ARSG: variants seen among roughly 807,000 people sequenced by gnomAD.
The protein encoded by ARSG is arylsulfatase G, also known as ASG.
In ARSG, 37 loss-of-function variants were observed where a neutral mutation model predicts 50.5. The ratio of observed to expected loss-of-function variants is 0.73; its 90% confidence interval spans 0.56 to 0.96. ARSG has a LOEUF of 0.96. Among genes scored for constraint, ARSG ranks in the 50% least tolerant of loss-of-function variants. ARSG has a pLI of 0.00. For synonymous variants in ARSG, 225 were observed against 254.6 expected (o/e 0.88, Z 1.11); for missense variants, 629 against 675.3 (o/e 0.93, Z 0.76).
chr17:68,442,397 G>A, the ARSG span, among the ~76,000 whole-genome samples: 42 of 150,158 alleles, frequency 2.8e-4, no homozygotes, highest in African/African-American at 8.3e-4. Context: ...TCCGGGAGGC[G>A]AAGGTTGCAG....
chr17:68,373,202 C>A (rs558268028), intron 8 of ARSG, among the ~76,000 whole-genome samples: 1 of 150,456 alleles, frequency 6.6e-6, no homozygotes, highest in Non-Finnish European at 1.5e-5. Flanking sequence ...CATGAGCCAC[C>A]GTGCCCGGCC....
the ARSG span, among the ~76,000 whole-genome samples, chr17:68,450,418 G>A: frequency 6.6e-6 from 1 of 152,196 alleles, no homozygotes; most frequent in African/African-American, 2.4e-5. Flanking sequence ...GGTGGCTCAT[G>A]GGACTGTCCA....
At chr17:68,334,297 A>G (rs1056192945) in intron 2 of ARSG, among the ~76,000 whole-genome samples, 1 of 152,166 alleles carries the variant, frequency 6.6e-6, no homozygotes, top group Admixed American at 6.5e-5. Context: ...GCATCAGGGA[A>G]TGAACCCATC....
At chr17:68,270,995 T>C in intron 1 of ARSG, 1 of 1,614,154 alleles carries the variant, frequency 6.2e-7, no homozygotes, top group South Asian at 1.1e-5. Context: ...AAAAATATGC[T>C]GCATGACATT....
intron 5 of ARSG, among the ~76,000 whole-genome samples, chr17:68,353,718 G>A (rs923282096): frequency 1.1e-4 from 17 of 152,008 alleles, no homozygotes; most frequent in Admixed American, 7.9e-4. Flanking sequence ...TTATTTTTTG[G>A]AAGGATGGAG....
At chr17:68,297,415 C>T (rs1446755552) in intron 1 of ARSG, among the ~76,000 whole-genome samples, 4 of 152,156 alleles carry the variant, frequency 2.6e-5, no homozygotes, top group Admixed American at 2.0e-4. Flanking sequence ...TAGTTTGGAA[C>T]GTTGAAAATG....
intron 9 of ARSG, among the ~76,000 whole-genome samples, chr17:68,391,527 G>A (rs1406174806): frequency 2.0e-5 from 3 of 152,166 alleles, no homozygotes; most frequent in Non-Finnish European, 2.9e-5. Flanking sequence ...GTAGTGGGGG[G>A]AAATCAGATG....
At chr17:68,289,519 A>G (rs2075918857), upstream of ARSG, among the ~76,000 whole-genome samples, 2 of 152,260 alleles carry the variant, frequency 1.3e-5, no homozygotes, top group Non-Finnish European at 1.5e-5. Flanking sequence ...GACCTCGAGC[A>G]AAAGCACTGC....
At chr17:68,384,150 C>CCA (rs1160935993) in intron 8 of ARSG, among the ~76,000 whole-genome samples, 2 of 152,146 alleles carry the variant, frequency 1.3e-5, no homozygotes, top group Non-Finnish European at 2.9e-5. Flanking sequence ...TGTGTGTGAG[C>CCA]CACACACAGC....
At chr17:68,411,544 G>A (rs948233172) in intron 11 of ARSG, among the ~76,000 whole-genome samples, 1 of 151,754 alleles carries the variant, frequency 6.6e-6, no homozygotes, top group South Asian at 2.1e-4. Flanking sequence ...TTACTTCCAA[G>A]TATGTGGTCT....
At chr17:68,329,712 G>A (rs867730749) in intron 2 of ARSG, among the ~76,000 whole-genome samples, 7 of 152,308 alleles carry the variant, frequency 4.6e-5, no homozygotes, top group Admixed American at 2.6e-4. Context: ...GGGACTAATC[G>A]CAGGGGTGTC....
intron 2 of ARSG, among the ~76,000 whole-genome samples, chr17:68,326,369 C>A (rs2077503790): frequency 6.6e-6 from 1 of 152,114 alleles, no homozygotes; most frequent in Non-Finnish European, 1.5e-5. Flanking sequence ...TGGAAGTGTT[C>A]TAGAAAAAAC....
At chr17:68,425,794 G>A, downstream of ARSG, 1 of 356,354 alleles carries the variant, frequency 2.8e-6, no homozygotes, top group South Asian at 5.0e-5. Flanking sequence ...AGCAAAGTAA[G>A]GGATCGCAGG....
At chr17:68,347,372 C>T (rs2078563400) in intron 4 of ARSG, among the ~76,000 whole-genome samples, 200 bp downstream of exon 4, 1 of 152,190 alleles carries the variant, frequency 6.6e-6, no homozygotes, top group Non-Finnish European at 1.5e-5. Flanking sequence ...TCTTCCTTGA[C>T]TGTCCTTCCT....
intron 1 of ARSG, among the ~76,000 whole-genome samples, chr17:68,284,103 CA>C (rs1189737736): frequency 0.021 from 1,170 of 56,528 alleles, 9 homozygotes; most frequent in African/African-American, 0.067. Context: ...GACTCTGTCT[CA>C]AAAAAAAAAA....
intron 2 of ARSG, among the ~76,000 whole-genome samples, chr17:68,317,679 T>C (rs2077121504): frequency 6.6e-6 from 1 of 152,208 alleles, no homozygotes; most frequent in Non-Finnish European, 1.5e-5. Flanking sequence ...ATGTCCTTTG[T>C]AGATCTGAGC....
chr17:68,428,000 C>T, the ARSG span, among the ~76,000 whole-genome samples: 3 of 151,960 alleles, frequency 2.0e-5, no homozygotes, highest in African/African-American at 7.3e-5. Context: ...AGGTGATCCC[C>T]CCACCTCTGC....
chr17:68,343,844 G>T (rs2078385493), intron 3 of ARSG, 53 bp downstream of exon 3: 1 of 1,534,310 alleles, frequency 6.5e-7, no homozygotes, highest in Non-Finnish European at 8.8e-7. Context: ...CAGCCGCCTT[G>T]TGTTTGCAAA....
In ARSG at chr17:68,381,275, A is replaced by G. The variant is rs2080418839; in HGVS notation, c.983-3789A>G. The stretch of plus-strand genomic sequence containing the variant: ...CACTTCCGTAACCAGAGAAGCACAA[A>G]TAAGCAAATTCATGAATCATGGTTT... On this transcript the variant is annotated intron_variant, in intron 8 of 11. Coordinates refer to ENST00000621439, the MANE Select transcript of ARSG (RefSeq NM_001267727.2). The surrounding 1 kb of genome is among the most constrained non-coding windows in gnomAD (Gnocchi z 4.1). 6.6e-6 allele frequency among the ~76,000 whole-genome samples: 1 copy of G among 152,224 alleles called. No homozygotes were observed. Among genetic ancestry groups the G allele is most frequent in the Non-Finnish European group, 1.5e-5 (1 of 68,022 alleles).
Sources: gnomAD v4.1 joint callset for allele counts (sites outside exome capture counted in the v4.1 genomes callset) on GRCh38, gnomAD v4.1.1 for gene constraint, Gnocchi (gnomAD v3.1) non-coding constraint, MANE v1.5 for transcripts, NCBI Gene and HGNC (gene_info 2026-07-23, HGNC 2026-07-21) for gene names.